The following SAMD4A variants were observed in gnomAD, a reference collection of about 807,000 sequenced individuals.
The protein encoded by SAMD4A is protein Smaug homolog 1.
Under a neutral mutation model 81.3 loss-of-function variants are expected in SAMD4A, and 33 were observed. The observed-to-expected ratio is 0.41, with a 90% CI of 0.31 to 0.54. SAMD4A has a LOEUF of 0.54. SAMD4A is among the 20% of genes least tolerant of loss of function. The pLI, the probability that SAMD4A is intolerant of heterozygous loss-of-function variation, is 0.37. For missense variants in SAMD4A, 854 were observed against 951.1 expected (o/e 0.90, Z 1.34); for synonymous variants, 389 against 382.1 (o/e 1.02, Z -0.21).
At chr14:54,667,099 A>T (rs2035773971) in intron 2 of SAMD4A, among the ~76,000 whole-genome samples, 1 of 152,034 alleles carries the variant, frequency 6.6e-6, no homozygotes, top group Admixed American at 6.5e-5. Flanking sequence ...ATGCAGAAGC[A>T]CCTATTTAAT....
chr14:54,776,286 C>A, intron 10 of SAMD4A, 128 bp from the exon 11 acceptor site: 3 of 930,650 alleles, frequency 3.2e-6, no homozygotes, highest in Non-Finnish European at 4.8e-6. Flanking sequence ...CTAGCACTGG[C>A]CTGCAAGCCC....
intron 11 of SAMD4A, among the ~76,000 whole-genome samples, chr14:54,782,924 G>A (rs1289821543): frequency 6.6e-6 from 1 of 152,172 alleles, no homozygotes; most frequent in Admixed American, 6.5e-5. Flanking sequence ...ACATGAAGGA[G>A]CAGGCAAGTG....
chr14:54,675,127 A>T (rs907365298), intron 2 of SAMD4A, among the ~76,000 whole-genome samples: 6 of 152,110 alleles, frequency 3.9e-5, no homozygotes, highest in African/African-American at 1.4e-4. Flanking sequence ...GCACTTTGGG[A>T]GGCTGAGGCG....
chr14:54,697,738 T>C (rs954269819), intron 2 of SAMD4A, among the ~76,000 whole-genome samples: 63 of 152,300 alleles, frequency 4.1e-4, no homozygotes, highest in African/African-American at 1.5e-3. Flanking sequence ...ACAGTTTCTG[T>C]GGGTCAGAAA....
At chr14:54,726,761 C>T (rs1594864684) in intron 3 of SAMD4A, among the ~76,000 whole-genome samples, 1 of 151,866 alleles carries the variant, frequency 6.6e-6, no homozygotes, top group African/African-American at 2.4e-5. Flanking sequence ...ACCTGGGCAT[C>T]GGGGTTTTTT....
At chr14:54,758,207 C>A (rs1442708334) in intron 6 of SAMD4A, among the ~76,000 whole-genome samples, 1 of 152,158 alleles carries the variant, frequency 6.6e-6, no homozygotes, top group Non-Finnish European at 1.5e-5. Context: ...CTTCATAAAC[C>A]CTTCGTGCCA....
chr14:54,601,516 A>G (rs539790433), intron 2 of SAMD4A, among the ~76,000 whole-genome samples: 1 of 152,304 alleles, frequency 6.6e-6, no homozygotes, highest in South Asian at 2.1e-4. Flanking sequence ...GGGATGAAAA[A>G]CAAGAATGAG....
At chr14:54,685,293 G>A (rs1396158324) in intron 2 of SAMD4A, among the ~76,000 whole-genome samples, 2 of 132,816 alleles carry the variant, frequency 1.5e-5, no homozygotes, top group African/African-American at 5.8e-5. Flanking sequence ...CCCAGCTCCT[G>A]GCAGCCACCA....
intron 2 of SAMD4A, among the ~76,000 whole-genome samples, chr14:54,593,881 A>G (rs1476737899): frequency 6.6e-6 from 1 of 151,672 alleles, no homozygotes; most frequent in Non-Finnish European, 1.5e-5. Context: ...CAAGTGGGGG[A>G]GAATCAGAGC....
chr14:54,719,205 T>C (rs956396003), intron 3 of SAMD4A, among the ~76,000 whole-genome samples: 2 of 151,958 alleles, frequency 1.3e-5, no homozygotes, highest in Non-Finnish European at 2.9e-5. Flanking sequence ...GACACCCAGA[T>C]TTATCTTCAA....
intron 2 of SAMD4A, among the ~76,000 whole-genome samples, chr14:54,668,331 G>A (rs551902321): frequency 1.3e-5 from 2 of 152,276 alleles, no homozygotes; most frequent in East Asian, 1.9e-4. Context: ...GGCCCAACTC[G>A]AAGCCATTTC....
chr14:54,734,661 TCC>T (rs2037646886), intron 3 of SAMD4A, among the ~76,000 whole-genome samples: 1 of 152,114 alleles, frequency 6.6e-6, no homozygotes, highest in African/African-American at 2.4e-5. Context: ...ACTGACAGCT[TCC>T]CCAAGGATGC....
At chr14:54,778,116 G>C (rs2038906698) in intron 11 of SAMD4A, among the ~76,000 whole-genome samples, 1 of 152,210 alleles carries the variant, frequency 6.6e-6, no homozygotes, top group Non-Finnish European at 1.5e-5. Context: ...CACCAGCAGA[G>C]TGACCACTGT....
Position 54,760,343 on chromosome 14 carries a change from G to A in SAMD4A, c.1359G>A (p.Gly453=). The A allele has an allele frequency of 6.3e-7, 1 of 1,592,528 alleles. No individual in the cohort carries two copies. The change falls in exon 7 of 13, where the codon GGG becomes GGA. Residue 453 remains glycine (G), a synonymous_variant. Transcript: ENST00000554335. ...GCCAGAGCCCCGACTGCAAAGATGGGGCCGCAGCCACTGGCGCCACGGCCA... is the reference window on the plus strand; with the variant it reads ...GCCAGAGCCCCGACTGCAAAGATGGAGCCGCAGCCACTGGCGCCACGGCCA... ...PESQSPDCKD[G]AAATGATATP... is the part of the protein sequence containing the mutation.
At chr14:54,577,263 G>C (rs1385166266) in intron 2 of SAMD4A, among the ~76,000 whole-genome samples, 1 of 152,252 alleles carries the variant, frequency 6.6e-6, no homozygotes, top group Non-Finnish European at 1.5e-5. Flanking sequence ...TGTTTCTGCA[G>C]GTGTCTCAAA....
chr14:54,671,240 C>G (rs1294166472), intron 2 of SAMD4A, among the ~76,000 whole-genome samples: 1 of 152,140 alleles, frequency 6.6e-6, no homozygotes, highest in Non-Finnish European at 1.5e-5. Flanking sequence ...AAGAGGCAGC[C>G]CAGCCCAGCA....
chr14:54,770,175 C>A lies in SAMD4A; in HGVS notation c.1668C>A (p.Phe556Leu), dbSNP rs1261190097. 1 of 1,613,978 alleles carries A rather than the reference C, an allele frequency of 6.2e-7. No individual in the cohort carries two copies. Among genetic ancestry groups the A allele is most frequent in the African/African-American group, 1.3e-5 (1 of 74,924 alleles). ...AGGTGCAGAAGCTCTTTCGGTCTTT[C>A]CCTCGGAAAACCCTTCTAGACATAT... is the stretch of plus-strand genomic sequence containing the variant. The part of the protein sequence containing the change: ...KQQVQKLFRS[F>L]PRKTLLDISG... The change falls in exon 9 of 13, where the codon TTC (phenylalanine) becomes TTA (leucine). Residue 556 changes from phenylalanine to leucine, a missense_variant. This residue lies in a region of SAMD4A where 428 missense variants were observed against 471.2 expected (regional missense o/e 0.91). Coordinates refer to ENST00000554335, the MANE Select transcript of SAMD4A (RefSeq NM_015589.6).
intron 7 of SAMD4A, among the ~76,000 whole-genome samples, chr14:54,762,253 A>G (rs2038419315): frequency 6.6e-6 from 1 of 152,232 alleles, no homozygotes. Flanking sequence ...CTTACAAGAC[A>G]TCTTGATTAT....
intron 3 of SAMD4A, among the ~76,000 whole-genome samples, chr14:54,730,657 A>G (rs1226368096): frequency 2.0e-5 from 3 of 152,204 alleles, no homozygotes; most frequent in Non-Finnish European, 4.4e-5. Flanking sequence ...TATTCCCTGA[A>G]GCAGTGATGA....
Sources: allele counts gnomAD v4.1 joint callset (sites outside exome capture counted in the v4.1 genomes callset), GRCh38; gene constraint gnomAD v4.1.1; regional missense constraint gnomAD v4.1.1; transcripts MANE v1.5; gene names NCBI Gene and HGNC (gene_info 2026-07-23, HGNC 2026-07-21).